Variants in SPMIP2 observed in about 807,000 individuals in gnomAD.
The protein encoded by SPMIP2 is protein SPMIP2.
At chr4:159,050,585 T>G in the SPMIP2 span, among the ~76,000 whole-genome samples, 4 of 152,058 alleles carry the variant, frequency 2.6e-5, no homozygotes, top group Admixed American at 2.0e-4. Context: ...GGAGGATTGC[T>G]TGAACCCAGG....
At chr4:158,981,792 C>A in the SPMIP2 span, among the ~76,000 whole-genome samples, 1 of 73,672 alleles carries the variant, frequency 1.4e-5, no homozygotes, top group South Asian at 4.6e-4. Context: ...GAAGAAACTG[C>A]ATCAACTAAT....
At chr4:158,987,515 A>C in the SPMIP2 span, among the ~76,000 whole-genome samples, 1 of 152,200 alleles carries the variant, frequency 6.6e-6, no homozygotes, top group Non-Finnish European at 1.5e-5. Flanking sequence ...CATCATTTTC[A>C]GTCAACTATC....
At chr4:158,985,738 C>G in the SPMIP2 span, among the ~76,000 whole-genome samples, 2 of 136,954 alleles carry the variant, frequency 1.5e-5, no homozygotes, top group Non-Finnish European at 2.9e-5. Context: ...CAGGGATGCC[C>G]TCTCTCACCA....
the SPMIP2 span, among the ~76,000 whole-genome samples, chr4:159,052,680 C>G: frequency 1.1e-4 from 17 of 151,148 alleles, no homozygotes; most frequent in African/African-American, 3.9e-4. Context: ...GTTGCCTAGG[C>G]TGGAGTGCAA....
chr4:158,905,804 A>C, the SPMIP2 span: 1 of 152,204 alleles, frequency 6.6e-6, no homozygotes, highest in East Asian at 1.9e-4. Flanking sequence ...AAAGACTTTT[A>C]AATATTGGTC....
At chr4:159,049,922 T>C in the SPMIP2 span, among the ~76,000 whole-genome samples, 37 of 152,332 alleles carry the variant, frequency 2.4e-4, 1 homozygote, top group Middle Eastern at 3.4e-3. Context: ...AAAAATTTGG[T>C]ACTGGAGATG....
the SPMIP2 span, among the ~76,000 whole-genome samples, chr4:159,061,668 G>A: frequency 2.0e-5 from 3 of 152,090 alleles, no homozygotes; most frequent in African/African-American, 7.2e-5. Context: ...AAAATTAGCT[G>A]GGGGTGGTGG....
the SPMIP2 span, chr4:159,026,013 C>A: frequency 3.2e-4 from 52 of 161,794 alleles, no homozygotes; most frequent in Admixed American, 8.3e-4. Flanking sequence ...ACAGAAACTT[C>A]TTTTTGCTTA....
chr4:158,978,838 T>C, the SPMIP2 span, among the ~76,000 whole-genome samples: 1 of 152,164 alleles, frequency 6.6e-6, no homozygotes, highest in South Asian at 2.1e-4. Context: ...GCCTCTTGAA[T>C]ACAGCACACC....
At chr4:159,067,738 G>A in the SPMIP2 span, among the ~76,000 whole-genome samples, 1 of 151,994 alleles carries the variant, frequency 6.6e-6, no homozygotes, top group East Asian at 1.9e-4. Context: ...CAGAATGGGA[G>A]AAAATTTTTG....
chr4:159,032,197 G>T, the SPMIP2 span, among the ~76,000 whole-genome samples: 1 of 152,052 alleles, frequency 6.6e-6, no homozygotes, highest in Non-Finnish European at 1.5e-5. Flanking sequence ...ACTCCAGCCT[G>T]AGCAACAGAG....
the SPMIP2 span, among the ~76,000 whole-genome samples, chr4:158,928,782 G>T: frequency 6.6e-6 from 1 of 152,110 alleles, no homozygotes; most frequent in Non-Finnish European, 1.5e-5. Flanking sequence ...AAGGTCTGCG[G>T]CTTCACTCCT....
the SPMIP2 span, among the ~76,000 whole-genome samples, chr4:159,041,299 A>G: frequency 6.6e-6 from 1 of 152,208 alleles, no homozygotes; most frequent in African/African-American, 2.4e-5. Context: ...TTCTATGGAC[A>G]CACAGTTTTT....
the SPMIP2 span, among the ~76,000 whole-genome samples, chr4:158,955,780 G>A: frequency 1.3e-5 from 2 of 152,148 alleles, no homozygotes; most frequent in African/African-American, 2.4e-5. Flanking sequence ...ATTTGAACAT[G>A]GTATTTATAA....
the SPMIP2 span, among the ~76,000 whole-genome samples, chr4:158,948,254 T>C: frequency 6.6e-6 from 1 of 152,198 alleles, no homozygotes; most frequent in East Asian, 1.9e-4. Flanking sequence ...TTCTTTGTTT[T>C]ACCTGCTTGT....
the SPMIP2 span, among the ~76,000 whole-genome samples, chr4:158,994,247 A>G: frequency 1.3e-5 from 2 of 152,368 alleles, 1 homozygote; most frequent in East Asian, 3.9e-4. Flanking sequence ...TGGATGTTGA[A>G]TAAGTAAGTG....
the SPMIP2 span, chr4:158,909,354 T>G: frequency 6.9e-6 from 1 of 145,182 alleles, no homozygotes; most frequent in Non-Finnish European, 1.5e-5. Flanking sequence ...TCCCTGAAGC[T>G]TTTTTTTTTT....
At chr4:158,903,909 T>G in the SPMIP2 span, among the ~76,000 whole-genome samples, 39 of 152,312 alleles carry the variant, frequency 2.6e-4, no homozygotes, top group East Asian at 6.8e-3. Flanking sequence ...TTTGAAACCA[T>G]GATGTCTCTT....
At chr4:159,064,491 T>C in the SPMIP2 span, 1 of 152,174 alleles carries the variant, frequency 6.6e-6, no homozygotes, top group Non-Finnish European at 1.5e-5. Context: ...AGTAATATTC[T>C]TGAAATTCTT....
Sources: gnomAD v4.1 joint callset for allele counts (sites outside exome capture counted in the v4.1 genomes callset) on GRCh38, gnomAD v4.1.1 for gene constraint, MANE v1.5 for transcripts, NCBI Gene and HGNC (gene_info 2026-07-23, HGNC 2026-07-21) for gene names.